ARHGDIB: variants seen among roughly 807,000 people sequenced by gnomAD.
ARHGDIB encodes rho GDP-dissociation inhibitor 2.
ARHGDIB carries 20 observed loss-of-function variants against 22.6 expected under a neutral mutation model. The observed-to-expected ratio is 0.88, with a 90% CI of 0.62 to 1.28. The LOEUF (loss-of-function observed/expected upper bound fraction) is 1.28, where lower values mean the gene tolerates loss of function less well. Ranked by LOEUF, ARHGDIB falls within the 50% of genes most tolerant of loss-of-function variation. The pLI is 0.00. For synonymous variants in ARHGDIB, 114 were observed against 96.1 expected (o/e 1.19, Z -1.09); for missense variants, 254 against 245.4 (o/e 1.04, Z -0.23).
chr12:14,944,362 C>A (rs1423321009), intron 5 of ARHGDIB, among the ~76,000 whole-genome samples: 1 of 150,514 alleles, frequency 6.6e-6, no homozygotes, highest in Non-Finnish European at 1.5e-5. Flanking sequence ...CCCACCTACT[C>A]CCACCCCAGA....
At chr12:14,950,830 T>C (rs1381847285) in intron 1 of ARHGDIB, 106 bp from the exon 2 acceptor site, 5 of 787,220 alleles carry the variant, frequency 6.4e-6, no homozygotes, top group Non-Finnish European at 9.6e-6. Context: ...TCTCTGATCA[T>C]CAGTCACTTT....
intron 1 of ARHGDIB, among the ~76,000 whole-genome samples, chr12:14,953,067 T>C: frequency 6.6e-6 from 1 of 152,222 alleles, no homozygotes. Flanking sequence ...TTATCTAACA[T>C]ATAGGTCTTG....
chr12:14,957,005 T>C (rs531599939), intron 1 of ARHGDIB, among the ~76,000 whole-genome samples: 7 of 152,362 alleles, frequency 4.6e-5, no homozygotes, highest in African/African-American at 1.7e-4. Context: ...GTTTCATTAA[T>C]GCAGCTCTAA....
Position 14,947,873 on chromosome 12 carries a change from T to A in ARHGDIB, c.342A>T (p.Lys114Asn), listed in dbSNP as rs757093187. 6.2e-7 allele frequency: 1 copy of A among 1,606,806 alleles called. No individual in the cohort carries two copies. The highest frequency in any genetic ancestry group is 1.1e-5 in the South Asian group (1 of 90,922). Residue 114 changes from lysine (K) to asparagine (N), a missense_variant and splice_region_variant, in exon 4 of 6, where the codon AAA (lysine) becomes AAT (asparagine). Transcript: ENST00000228945. ...AAAACACACAAGGCAGGATACTTAC[T>A]TTGAAGTGAATTTTGACTCTATATT... ...GSEYRVKIHFKVNRDIVSGLK... is the reference protein window; with the variant it reads ...GSEYRVKIHFNVNRDIVSGLK...
chr12:14,956,140 T>C (rs1864296583), intron 1 of ARHGDIB: 1 of 152,202 alleles, frequency 6.6e-6, no homozygotes, highest in African/African-American at 2.4e-5. Context: ...GAAGTTATAA[T>C]AAAATTAGAG....
intron 3 of ARHGDIB, among the ~76,000 whole-genome samples, chr12:14,949,178 C>A (rs1864105476): frequency 6.6e-6 from 1 of 152,116 alleles, no homozygotes; most frequent in Non-Finnish European, 1.5e-5. Flanking sequence ...CCCTCTGATG[C>A]CCATTTCCTC....
Position 14,961,560 on chromosome 12 carries a change from C to A in ARHGDIB, c.-36G>T, listed in dbSNP as rs1195698396. On this transcript the variant is annotated 5_prime_UTR_variant, in exon 1 of 6. Coordinates refer to ENST00000228945, the MANE Select transcript of ARHGDIB (RefSeq NM_001175.7). ...ACATTCAGTGCTTCACGTCTCTGTC[C>A]GGGGTGCCTCTGTCTCTCAACTCTG... 3 of 152,188 alleles carry A rather than the reference C, an allele frequency of 2.0e-5. No individual in the cohort carries two copies. Among genetic ancestry groups the A allele is most frequent in the Admixed American group, 2.0e-4 (3 of 15,268 alleles). The allele number at this position is 152,188 out of a possible 1,614,324, so 9.4% of individuals were successfully genotyped here. A position where few individuals can be genotyped will look rare whatever the true frequency, so the allele number is the denominator to read the frequency against.
chr12:14,959,121 C>CA (rs1864358778), intron 1 of ARHGDIB, among the ~76,000 whole-genome samples: 2 of 152,014 alleles, frequency 1.3e-5, no homozygotes, highest in African/African-American at 4.8e-5. Flanking sequence ...AGACTTGTCT[C>CA]AAAAAAATAA....
intron 4 of ARHGDIB, among the ~76,000 whole-genome samples, chr12:14,946,140 C>G (rs561038573): frequency 1.3e-5 from 2 of 152,246 alleles, no homozygotes; most frequent in Non-Finnish European, 1.5e-5. Context: ...TCATAGAATC[C>G]TCTTCTTCTG....
chr12:14,951,507 C>T (rs1009735978), intron 1 of ARHGDIB, among the ~76,000 whole-genome samples: 1 of 152,076 alleles, frequency 6.6e-6, no homozygotes, highest in African/African-American at 2.4e-5. Flanking sequence ...GTTTAAATTC[C>T]TCCAGACAAA....
In ARHGDIB at chr12:14,955,550, C is replaced by T. The variant is rs186129783; in HGVS notation, c.-12-4826G>A. Among the ~76,000 whole-genome samples, 173 of 152,268 alleles carry T rather than the reference C, an allele frequency of 1.1e-3. 1 individual carries two copies. The highest frequency in any genetic ancestry group is 4.0e-3 in the African/African-American group (165 of 41,550). On this transcript the variant is annotated intron_variant, in intron 1 of 5. Transcript: ENST00000228945. Reference sequence around the variant, plus strand: ...AAATTAACATATCCATCATCTCACCCACTTTTTTTTGTGTGTGGCAAGAGC... The same window carrying T: ...AAATTAACATATCCATCATCTCACCTACTTTTTTTTGTGTGTGGCAAGAGC...
intron 4 of ARHGDIB, among the ~76,000 whole-genome samples, chr12:14,945,850 A>G (rs1275284522): frequency 6.6e-6 from 1 of 152,110 alleles, no homozygotes; most frequent in Non-Finnish European, 1.5e-5. Context: ...AAGCTGTCAG[A>G]AAAAAAATTA....
intron 5 of ARHGDIB, among the ~76,000 whole-genome samples, chr12:14,943,822 T>C (rs1271893059): frequency 1.3e-5 from 2 of 152,228 alleles, no homozygotes; most frequent in African/African-American, 2.4e-5. Context: ...GTGTTGCTAA[T>C]AAGTTTGAAA....
chr12:14,945,519 A>G (rs1863993162), intron 4 of ARHGDIB, among the ~76,000 whole-genome samples: 1 of 152,260 alleles, frequency 6.6e-6, no homozygotes, highest in Non-Finnish European at 1.5e-5. Context: ...TTGTTTTTCC[A>G]TGATTCATTT....
At chr12:14,951,710 G>A (rs937719575) in intron 1 of ARHGDIB, among the ~76,000 whole-genome samples, 3 of 150,518 alleles carry the variant, frequency 2.0e-5, no homozygotes, top group Non-Finnish European at 3.0e-5. Flanking sequence ...AAACATTGAG[G>A]AGAAATCTAG....
At chr12:14,950,938 A>G (rs1022504554) in intron 1 of ARHGDIB, 11 of 432,302 alleles carry the variant, frequency 2.5e-5, no homozygotes, top group Non-Finnish European at 4.5e-5. Context: ...TCTCTGTACC[A>G]TTGTAGTATC....
chr12:14,944,874 A>G, intron 4 of ARHGDIB, 35 bp from the exon 5 acceptor site: 1 of 1,593,642 alleles, frequency 6.3e-7, no homozygotes, highest in African/African-American at 1.3e-5. Context: ...GTTCAGATTA[A>G]GAGGGTCTTT....
At chr12:14,960,123 C>G (rs892401919) in intron 1 of ARHGDIB, among the ~76,000 whole-genome samples, 1 of 152,200 alleles carries the variant, frequency 6.6e-6, no homozygotes, top group South Asian at 2.1e-4. Context: ...TCCAGGGGCT[C>G]TAGGTCTCCA....
intron 3 of ARHGDIB, among the ~76,000 whole-genome samples, chr12:14,949,432 G>A (rs891382697): frequency 1.3e-5 from 2 of 151,840 alleles, no homozygotes; most frequent in Admixed American, 1.3e-4. Flanking sequence ...GTGGATAGAA[G>A]ATCAATACTT....
Sources: allele counts gnomAD v4.1 joint callset (sites outside exome capture counted in the v4.1 genomes callset), GRCh38; gene constraint gnomAD v4.1.1; transcripts MANE v1.5; gene names NCBI Gene and HGNC (gene_info 2026-07-23, HGNC 2026-07-21).